NOP56: variants seen among roughly 807,000 people sequenced by gnomAD.
NOP56 encodes the protein NOP56 ribonucleoprotein, also known as nucleolar protein 56.
A neutral mutation model predicts 58.3 loss-of-function variants in NOP56; 31 were observed. That is an observed-to-expected ratio of 0.53 (90% CI 0.40 to 0.72). The LOEUF is 0.72. Among genes scored for constraint, NOP56 ranks in the 30% least tolerant of loss-of-function variants. The pLI, the probability that NOP56 is intolerant of heterozygous loss-of-function variation, is 0.00. For missense variants in NOP56, 669 were observed against 739.9 expected, an observed-to-expected ratio of 0.90 and a Z score of 1.11; for synonymous variants, 313 against 282.8, an observed-to-expected ratio of 1.11 and a Z score of -1.07.
Position 2,656,840 on chromosome 20 carries a change from A to C in NOP56, c.1226A>C (p.Glu409Ala), listed in dbSNP as rs1019548699. 6.2e-7 allele frequency: 1 copy of C among 1,614,030 alleles called. No homozygotes were observed. The highest frequency in any genetic ancestry group is 8.5e-7 in the Non-Finnish European group (1 of 1,180,038). Residue 409 changes from glutamate (E) to alanine (A), a missense_variant, in exon 10 of 12, where the codon GAG becomes GCG. Glu to Ala is a moderately radical substitution (Grantham distance 107). Around this residue, in one of 3 missense-constraint regions of NOP56, gnomAD observed 339 missense variants for 430.5 expected, o/e 0.79. Coordinates refer to ENST00000329276, the MANE Select transcript of NOP56 (RefSeq NM_006392.4). The stretch of plus-strand genomic sequence containing the variant: ...GTTGAAGAGCGACTGTCCTTCTATG[A>C]GACTGGAGAGATACCACGAAAGAAT... ...EQVEERLSFYETGEIPRKNLD... is the reference protein window; with the variant it reads ...EQVEERLSFYATGEIPRKNLD...
intron 5 of NOP56, 27 bp from the exon 6 acceptor site, chr20:2,655,298 C>T (rs2086802645): frequency 6.2e-6 from 10 of 1,613,664 alleles, no homozygotes; most frequent in Non-Finnish European, 8.5e-6. Context: ...AGCAGCTGGG[C>T]CAGGGAGTGA....
intron 3 of NOP56, chr20:2,654,095 G>A (rs959289053): frequency 1.5e-5 from 8 of 549,580 alleles, no homozygotes; most frequent in Non-Finnish European, 2.8e-5. Context: ...AGAAAAAAAG[G>A]TTTGGTTCCA....
Position 2,654,568 on chromosome 20 carries a change from C to T in NOP56, c.363C>T (p.Ile121=), listed in dbSNP as rs1663350215. The change falls in exon 4 of 12, where the codon ATC becomes ATT. Residue 121 remains isoleucine (I), a synonymous_variant. Transcript: ENST00000329276. ...NCQTGGVIAE[I]LRGVRLHFHN... is the part of the protein sequence containing the mutation. Reference sequence around the variant, plus strand: ...AGACTGGAGGAGTCATAGCTGAGATCCTGCGAGGTGAGACCATCATCTGTT... The same window carrying T: ...AGACTGGAGGAGTCATAGCTGAGATTCTGCGAGGTGAGACCATCATCTGTT... 6.2e-7 allele frequency: 1 copy of T among 1,614,114 alleles called. No homozygotes were observed.
rs537388206 is a variant in NOP56 at position 2,652,788 on chromosome 20, G to A, written c.4-54G>A. ...GCGCCTGCGCCTGCCCTGGGAACGG[G>A]TTCCGGCAGACGCTGAGGTTGCGTT... On this transcript the variant is annotated intron_variant, in intron 1 of 11. Coordinates refer to ENST00000329276, the MANE Select transcript of NOP56 (RefSeq NM_006392.4). The A allele has an allele frequency of 6.0e-4, 921 of 1,533,346 alleles. 2 individuals are homozygous for A. Among genetic ancestry groups the A allele is most frequent in the Admixed American group, 1.4e-3 (73 of 53,562 alleles). 95.0% of individuals were successfully genotyped at this position (1,533,346 alleles called of 1,614,324 possible). A position where few individuals can be genotyped will look rare whatever the true frequency, so the allele number is the denominator to read the frequency against.
In NOP56 at chr20:2,655,745, C is replaced by G; in HGVS notation, c.908C>G (p.Ala303Gly). Reference protein sequence around the residue: ...APSLSALIGEAVGARLIAHAG... With the variant: ...APSLSALIGEGVGARLIAHAG... ...AGCCTGTCAGCCCTAATTGGGGAAG[C>G]GGTGCGTCACAGGGGACTCAAAAAT... The change falls in exon 7 of 12, where the codon GCG becomes GGG. Residue 303 changes from alanine (A) to glycine (G), a missense_variant and splice_region_variant. Ala to Gly is a moderately conservative substitution (Grantham distance 60). Transcript: ENST00000329276. The G allele has an allele frequency of 6.2e-7, 1 of 1,614,152 alleles. No individual in the cohort carries two copies. The highest frequency in any genetic ancestry group is 8.5e-7 in the Non-Finnish European group (1 of 1,180,038).
At chr20:2,654,078 C>T in intron 3 of NOP56, 1 of 503,588 alleles carries the variant, frequency 2.0e-6, no homozygotes, top group Non-Finnish European at 3.9e-6. Flanking sequence ...TGGGTAAACA[C>T]AGGCTGAGAA....
At position 2,654,820 on chromosome 20, in the gene NOP56, C is replaced by G; in HGVS notation, c.442C>G (p.Leu148Val). The change falls in exon 5 of 12, where the codon CTG becomes GTG. Residue 148 changes from leucine to valine, a missense_variant. This residue lies in a region of NOP56 where 339 missense variants were observed against 430.5 expected (regional missense o/e 0.79). Transcript: ENST00000329276. ...GTCAGCTTGTAAAGCACAGCTGGGGCTGGGACACAGCTATTCCCGTGCCAA... is the reference window on the plus strand; with the variant it reads ...GTCAGCTTGTAAAGCACAGCTGGGGGTGGGACACAGCTATTCCCGTGCCAA... ...DLSACKAQLGLGHSYSRAKVK... is the reference protein window; with the variant it reads ...DLSACKAQLGVGHSYSRAKVK... The G allele has an allele frequency of 6.2e-7, 1 of 1,614,202 alleles. No individual in the cohort carries two copies. Among genetic ancestry groups the G allele is most frequent in the Non-Finnish European group, 8.5e-7 (1 of 1,180,034 alleles).
intron 3 of NOP56, chr20:2,653,654 A>T (rs1293144153): frequency 7.3e-6 from 3 of 413,378 alleles, no homozygotes; most frequent in Admixed American, 8.2e-5. Flanking sequence ...GTGACAAACT[A>T]TTTTTTATTT....
rs761204642 is a variant in NOP56, at chr20:2,652,764, C to CCTGGGCCCGGGCCTGGGCCTGGGCCCGG, written c.4-78_4-77insCTGGGCCCGGGCCTGGGCCTGGGCCCGG. The CCTGGGCCCGGGCCTGGGCCTGGGCCCGG allele has an allele frequency of 4.5e-5, 28 of 620,042 alleles. No homozygotes were observed. In the South Asian group the frequency reaches 5.0e-4, roughly 11 times the overall value. 38.4% of individuals were successfully genotyped at this position (620,042 alleles called of 1,614,324 possible). A position where few individuals can be genotyped will look rare whatever the true frequency, so the allele number is the denominator to read the frequency against. ...GGGCCTGGGCCTGGGCCTGCGCCTG[C>CCTGGGCCCGGGCCTGGGCCTGGGCCCGG]GCCTGCGCCTGCCCTGGGAACGGGT... On this transcript the variant is annotated intron_variant, in intron 1 of 11. Transcript: ENST00000329276.
intron 1 of NOP56, 81 bp from the exon 2 acceptor site, chr20:2,652,761 C>CTGGGCA: frequency 6.5e-7 from 1 of 1,546,528 alleles, no homozygotes; most frequent in Non-Finnish European, 8.7e-7. Context: ...GGGCCTGCGC[C>CTGGGCA]TGCGCCTGCG....
Position 2,654,503 on chromosome 20 carries a change from A to G in NOP56, c.298A>G (p.Ile100Val), listed in dbSNP as rs1391268440. ...KVLLGVGDPK[I>V]GAAIQEELGY... is the part of the protein sequence containing the mutation. ...ACTCTTGGGAGTTGGGGATCCCAAG[A>G]TTGGTGCCGCAATACAGGAGGAGTT... The change falls in exon 4 of 12, where the codon ATT (isoleucine) becomes GTT (valine). Residue 100 changes from isoleucine to valine, a missense_variant. By Grantham distance (29) the Ile-to-Val change is conservative. Transcript: ENST00000329276. 2 of 1,614,214 alleles carry G rather than the reference A, an allele frequency of 1.2e-6. No homozygotes were observed. Among genetic ancestry groups the G allele is most frequent in the Admixed American group, 3.3e-5 (2 of 60,028 alleles).
rs937331491 is a variant in NOP56 at position 2,654,725 on chromosome 20, C to T, written c.371-24C>T. The T allele has an allele frequency of 3.7e-6, 6 of 1,612,598 alleles. No homozygotes were observed. The African/African-American group carries it at 5.3e-5, about 14-fold the overall frequency. On this transcript the variant is annotated intron_variant, in intron 4 of 11. Transcript: ENST00000329276. Reference sequence around the variant, plus strand: ...GGAGCTAGCTCAGAGCCCCTTGTTGCTCACCGTCTTGCCCTCTTCTTAGGA... The same window carrying T: ...GGAGCTAGCTCAGAGCCCCTTGTTGTTCACCGTCTTGCCCTCTTCTTAGGA...
In NOP56 at chr20:2,655,461, A is replaced by G. The variant is rs1275628775; in HGVS notation, c.706A>G (p.Met236Val). The G allele has an allele frequency of 3.1e-6, 5 of 1,614,016 alleles. No individual in the cohort carries two copies. Among genetic ancestry groups the G allele is most frequent in the East Asian group, 2.2e-5 (1 of 44,894 alleles). Residue 236 changes from methionine (M) to valine (V), a missense_variant, in exon 6 of 12, where the codon ATG becomes GTG. Met to Val is a conservative substitution (Grantham distance 21). Coordinates refer to ENST00000329276, the MANE Select transcript of NOP56 (RefSeq NM_006392.4). ...GCTGGAGAAGCTGGAGGAGCTGACA[A>G]TGGATGGGGCCAAGGCTAAGGCTAT... Reference protein sequence around the residue: ...DKLEKLEELTMDGAKAKAILD... With the variant: ...DKLEKLEELTVDGAKAKAILD...
At chr20:2,655,826 C>G (rs768203212) in intron 7 of NOP56, 80 bp downstream of exon 7, 11 of 1,610,584 alleles carry the variant, frequency 6.8e-6, no homozygotes, top group East Asian at 2.2e-5. Context: ...CGTGACCCAC[C>G]ATGTCTTCCC....
intron 7 of NOP56, 77 bp downstream of exon 7, chr20:2,655,823 C>T (rs1159968156): frequency 6.2e-7 from 1 of 1,610,754 alleles, no homozygotes; most frequent in Non-Finnish European, 8.5e-7. Flanking sequence ...TTTCGTGACC[C>T]ACCATGTCTT....
At position 2,653,232 on chromosome 20, in the gene NOP56, A is replaced by T. The variant is rs1479945742; in HGVS notation, c.94-47A>T. Reference sequence around the variant, plus strand: ...GAACCGCTGCTTGACTGCGCCGCAGAGGCAGGAGGGAGGGAAGGAAACCAC... The same window carrying T: ...GAACCGCTGCTTGACTGCGCCGCAGTGGCAGGAGGGAGGGAAGGAAACCAC... On this transcript the variant is annotated intron_variant, in intron 2 of 11. Transcript: ENST00000329276. 6 of 1,463,552 alleles carry T rather than the reference A, an allele frequency of 4.1e-6. No homozygotes were observed. In the African/African-American group the frequency reaches 8.4e-5, roughly 20 times the overall value. 90.7% of individuals were successfully genotyped at this position (1,463,552 alleles called of 1,614,324 possible).
intron 5 of NOP56, 36 bp downstream of exon 5, chr20:2,654,983 T>C (rs763459695): frequency 1.2e-6 from 2 of 1,610,240 alleles, no homozygotes; most frequent in Admixed American, 3.3e-5. Context: ...ACTGGAGCCT[T>C]TGGTCTGTAG....
rs1313496514 is a variant in NOP56 at position 2,658,304 on chromosome 20, G to A, written c.*10G>A. The A allele has an allele frequency of 1.3e-6, 2 of 1,599,388 alleles. No individual in the cohort carries two copies. The highest frequency in any genetic ancestry group is 1.7e-6 in the Non-Finnish European group (2 of 1,172,722). On this transcript the variant is annotated 3_prime_UTR_variant, in exon 12 of 12. Coordinates refer to ENST00000329276, the MANE Select transcript of NOP56 (RefSeq NM_006392.4). ...ATCCCAGGAAGATTAGAATGCAAAT[G>A]GACATTCTCTGGGAGGTGGGGCATA...
chr20:2,654,923 T>G lies in NOP56; in HGVS notation c.545T>G (p.Ile182Ser). The stretch of plus-strand genomic sequence containing the variant: ...CTCCTGGACCAGCTGGATAAGGACA[T>G]CAATACCTTCTCTATGCGTGTCAGG... ...ISLLDQLDKDINTFSMRVREW... is the reference protein window; with the variant it reads ...ISLLDQLDKDSNTFSMRVREW... The change falls in exon 5 of 12, where the codon ATC (isoleucine) becomes AGC (serine). Residue 182 changes from isoleucine (I) to serine (S), a missense_variant. Physicochemically the swap from Ile to Ser is moderately radical, Grantham distance 142. Transcript: ENST00000329276. 6.2e-7 allele frequency: 1 copy of G among 1,614,184 alleles called. No individual in the cohort carries two copies. Among genetic ancestry groups the G allele is most frequent in the Non-Finnish European group, 8.5e-7 (1 of 1,180,042 alleles).
Sources: allele counts gnomAD v4.1 joint callset, GRCh38; gene constraint gnomAD v4.1.1; regional missense constraint gnomAD v4.1.1; transcripts MANE v1.5; gene names NCBI Gene and HGNC (gene_info 2026-07-23, HGNC 2026-07-21).